MINDY1: variants seen among roughly 807,000 people sequenced by gnomAD.
MINDY1 encodes ubiquitin carboxyl-terminal hydrolase MINDY-1.
MINDY1 carries 50 observed loss-of-function variants against 53.6 expected under a neutral mutation model. That is an observed-to-expected ratio of 0.93 (90% CI 0.74 to 1.18). The LOEUF is 1.18. Ranked by LOEUF, MINDY1 falls within the 50% of genes most tolerant of loss-of-function variation. MINDY1 has a pLI of 0.00. For missense variants in MINDY1, 484 were observed against 578.6 expected, an observed-to-expected ratio of 0.84 and a Z score of 1.68; for synonymous variants, 231 against 234.7, an observed-to-expected ratio of 0.98 and a Z score of 0.14.
intron 1 of MINDY1, among the ~76,000 whole-genome samples, chr1:151,005,760 G>A (rs1156891504): frequency 6.6e-6 from 1 of 152,200 alleles, no homozygotes; most frequent in East Asian, 1.9e-4. Context: ...GAATGAGGGA[G>A]AGGATAGTCA....
Position 150,997,234 on chromosome 1 carries a change from A to ACTAG in MINDY1, c.*49_*52dup. 3.9e-6 allele frequency: 6 copies of ACTAG among 1,539,234 alleles called. No homozygotes were observed. In the South Asian group the frequency reaches 7.1e-5, roughly 18 times the overall value. Reference sequence around the variant, plus strand: ...GGGGTGGAGGCGGGGGAGCAAGCCAACTAGCCATAGCCTCTGGAAGAAGGG... The same window carrying ACTAG: ...GGGGTGGAGGCGGGGGAGCAAGCCAACTAGCTAGCCATAGCCTCTGGAAGAAGGG... On this transcript the variant is annotated 3_prime_UTR_variant, in exon 10 of 10. Transcript: ENST00000683666.
chr1:151,008,290 TC>T, upstream of MINDY1: 3 of 1,253,828 alleles, frequency 2.4e-6, no homozygotes, highest in Non-Finnish European at 2.0e-6. Flanking sequence ...AAACAATCCT[TC>T]CCTCGGTTGC....
chr1:150,997,487 CA>C lies in MINDY1; in HGVS notation c.1330-121del, dbSNP rs773244809. The C allele has an allele frequency of 5.2e-6, 8 of 1,550,302 alleles. No homozygotes were observed. The African/African-American group carries it at 9.5e-5, about 18-fold the overall frequency. ...GGGAGAGGAAGACAGGAAGGGGCTC[CA>C]GGGGAGAGGGACAGGCAGGGGAAGG... On this transcript the variant is annotated intron_variant, in intron 9 of 9. Coordinates refer to ENST00000683666, the MANE Select transcript of MINDY1 (RefSeq NM_001376665.1).
chr1:151,008,328 A>G (rs1048287289), upstream of MINDY1: 56 of 1,315,146 alleles, frequency 4.3e-5, no homozygotes, highest in East Asian at 2.0e-4. Flanking sequence ...TTGCGGGACT[A>G]CGTTTCCCAC....
At chr1:151,005,497 C>T (rs2102869401) in intron 1 of MINDY1, among the ~76,000 whole-genome samples, 1 of 151,382 alleles carries the variant, frequency 6.6e-6, no homozygotes, top group Admixed American at 6.6e-5. Context: ...GAAAAGCAGG[C>T]CTTATTTTTT....
In MINDY1 at chr1:151,002,893, GACC is replaced by G; in HGVS notation, c.-89-190_-89-188del. 1.4e-6 allele frequency: 2 copies of G among 1,395,072 alleles called. No individual in the cohort carries two copies. The highest frequency in any genetic ancestry group is 1.9e-6 in the Non-Finnish European group (2 of 1,077,156). 86.4% of individuals were successfully genotyped at this position (1,395,072 alleles called of 1,614,324 possible). The stretch of plus-strand genomic sequence containing the variant: ...CCTCTAACTTGCTGTGACCAGATGA[GACC>G]AAGAGGTCGTGGGGCTTCCAGACTT... On this transcript the variant is annotated intron_variant, in intron 1 of 9. Transcript: ENST00000683666. This position sits in a 1 kb window ranked among gnomAD's most constrained non-coding sequence, Gnocchi z 4.1.
In MINDY1 at chr1:151,002,293, G is replaced by A; in HGVS notation, c.325C>T (p.Pro109Ser). Residue 109 changes from proline to serine, a missense_variant, in exon 2 of 10, where the codon CCT becomes TCT. Pro to Ser is a moderately conservative substitution (Grantham distance 74). Coordinates refer to ENST00000683666, the MANE Select transcript of MINDY1 (RefSeq NM_001376665.1). The surrounding 1 kb of genome is among the most constrained non-coding windows in gnomAD (Gnocchi z 4.1). Reference protein sequence around the residue: ...ELPQSPRTRQPEPDFYCVKWI... With the variant: ...ELPQSPRTRQSEPDFYCVKWI... ...TTGACACAGTAGAAATCTGGCTCAG[G>A]CTGTCGGGTCCTGGGGGACTGAGGA... 1 of 1,614,176 alleles carries A rather than the reference G, an allele frequency of 6.2e-7. No individual in the cohort carries two copies. Among genetic ancestry groups the A allele is most frequent in the South Asian group, 1.1e-5 (1 of 91,086 alleles).
chr1:151,002,494 C>A lies in MINDY1; in HGVS notation c.124G>T (p.Asp42Tyr). The A allele has an allele frequency of 6.2e-7, 1 of 1,614,216 alleles. No individual in the cohort carries two copies. ...CGTTCTCTAGCCTCCCCATCAGCAT[C>A]TCTTGCATCTGTGTCCTGAGGGTGC... ...DEHPQDTDAR[D>Y]ADGEAREREP... Residue 42 changes from aspartate to tyrosine, a missense_variant, in exon 2 of 10, where the codon GAT becomes TAT. Transcript: ENST00000683666. The surrounding 1 kb of genome is among the most constrained non-coding windows in gnomAD (Gnocchi z 4.1).
At chr1:151,004,203 A>T (rs183179482) in intron 1 of MINDY1, among the ~76,000 whole-genome samples, 3 of 151,382 alleles carry the variant, frequency 2.0e-5, no homozygotes, top group Admixed American at 2.0e-4. Flanking sequence ...GATTACAGGC[A>T]TGAGCCACCG....
At chr1:151,008,337 A>T (rs772268172), upstream of MINDY1, 4 of 1,309,256 alleles carry the variant, frequency 3.1e-6, no homozygotes, top group Non-Finnish European at 2.0e-6. Flanking sequence ...TACGTTTCCC[A>T]CGTCGCCCCA....
At chr1:150,998,497 G>T (rs186948133) in intron 7 of MINDY1, among the ~76,000 whole-genome samples, 68 of 152,276 alleles carry the variant, frequency 4.5e-4, no homozygotes, top group African/African-American at 1.5e-3. Flanking sequence ...TGGGACTACA[G>T]GCACCCGCCA....
chr1:151,002,484 C>G lies in MINDY1; in HGVS notation c.134G>C (p.Gly45Ala). The G allele has an allele frequency of 6.2e-7, 1 of 1,614,208 alleles. No individual in the cohort carries two copies. The highest frequency in any genetic ancestry group is 1.1e-5 in the South Asian group (1 of 91,092). Residue 45 changes from glycine to alanine, a missense_variant, in exon 2 of 10, where the codon GGG becomes GCG. Transcript: ENST00000683666. This position sits in a 1 kb window ranked among gnomAD's most constrained non-coding sequence, Gnocchi z 4.1. Reference protein sequence around the residue: ...PQDTDARDADGEAREREPADQ... With the variant: ...PQDTDARDADAEAREREPADQ... Reference sequence around the variant, plus strand: ...TGCTGGCTCCCGTTCTCTAGCCTCCCCATCAGCATCTCTTGCATCTGTGTC... The same window carrying G: ...TGCTGGCTCCCGTTCTCTAGCCTCCGCATCAGCATCTCTTGCATCTGTGTC...
Position 151,002,935 on chromosome 1 carries a change from G to A in MINDY1, c.-89-229C>T. 1 of 1,345,722 alleles carries A rather than the reference G, an allele frequency of 7.4e-7. No individual in the cohort carries two copies. Among genetic ancestry groups the A allele is most frequent in the East Asian group, 3.0e-5 (1 of 33,748 alleles). 83.4% of individuals were successfully genotyped at this position (1,345,722 alleles called of 1,614,324 possible). A position where few individuals can be genotyped will look rare whatever the true frequency, so the allele number is the denominator to read the frequency against. Reference sequence around the variant, plus strand: ...GCTTCCAGACTTGGGAGGGAAGACTGGTGGGATTGAACACATGGGTGGAGT... The same window carrying A: ...GCTTCCAGACTTGGGAGGGAAGACTAGTGGGATTGAACACATGGGTGGAGT... On this transcript the variant is annotated intron_variant, in intron 1 of 9. Transcript: ENST00000683666. The surrounding 1 kb of genome is among the most constrained non-coding windows in gnomAD (Gnocchi z 4.1).
At chr1:151,000,929 C>T (rs895532018) in intron 4 of MINDY1, among the ~76,000 whole-genome samples, 2 of 152,136 alleles carry the variant, frequency 1.3e-5, no homozygotes, top group African/African-American at 4.8e-5. Flanking sequence ...CAGGCACGCA[C>T]CGCCATACCT....
rs1186797977 is a variant in MINDY1, at chr1:150,998,220, G to T, written c.1035C>A (p.Val345=). The part of the protein sequence containing the change: ...TDQGFLQEEQ[V]VWESLHNVDG... ...CCACATTGTGCAGGCTCTCCCATAC[G>T]ACTTGCTCCTCCTGTAGAAAGCCCT... The change falls in exon 8 of 10, where the codon GTC becomes GTA. Residue 345 remains valine, a synonymous_variant. Transcript: ENST00000683666. 1 of 1,614,026 alleles carries T rather than the reference G, an allele frequency of 6.2e-7. No homozygotes were observed. Among genetic ancestry groups the T allele is most frequent in the African/African-American group, 1.3e-5 (1 of 74,904 alleles).
At position 151,002,765 on chromosome 1, in the gene MINDY1, GA is replaced by G; in HGVS notation, c.-89-60del. 6.7e-7 allele frequency: 1 copy of G among 1,499,176 alleles called. No individual in the cohort carries two copies. The highest frequency in any genetic ancestry group is 8.9e-7 in the Non-Finnish European group (1 of 1,122,146). 92.9% of individuals were successfully genotyped at this position (1,499,176 alleles called of 1,614,324 possible). On this transcript the variant is annotated intron_variant, in intron 1 of 9. Transcript: ENST00000683666. The surrounding 1 kb of genome is among the most constrained non-coding windows in gnomAD (Gnocchi z 4.1). ...AGCAAACTAACCCAGAAAAGTCTTG[GA>G]AAAGGAATGTAGTGTAGAAGGCTGG... is the stretch of plus-strand genomic sequence containing the variant.
In MINDY1 at chr1:150,999,581, G is replaced by A; in HGVS notation, c.839-70C>T. ...GGTCCACAACAGGAAGGACCATCCA[G>A]AGAGCCCCTGTCAAAAGCCCCGGGG... On this transcript the variant is annotated intron_variant, in intron 6 of 9. Coordinates refer to ENST00000683666, the MANE Select transcript of MINDY1 (RefSeq NM_001376665.1). The surrounding 1 kb of genome is among the most constrained non-coding windows in gnomAD (Gnocchi z 4.4). The A allele has an allele frequency of 6.3e-7, 1 of 1,587,540 alleles. No homozygotes were observed. Among genetic ancestry groups the A allele is most frequent in the Non-Finnish European group, 8.6e-7 (1 of 1,167,814 alleles).
chr1:151,002,312 C>T lies in MINDY1; in HGVS notation c.306G>A (p.Gln102=), dbSNP rs1283001474. The change falls in exon 2 of 10, where the codon CAG becomes CAA. Residue 102 remains glutamine, a synonymous_variant. Transcript: ENST00000683666. This position sits in a 1 kb window ranked among gnomAD's most constrained non-coding sequence, Gnocchi z 4.1. ...GCTCAGGCTGTCGGGTCCTGGGGGA[C>T]TGAGGAAGCTCCTGGGGCATGGAGC... ...RACSMPQELP[Q]SPRTRQPEPD... 6.2e-7 allele frequency: 1 copy of T among 1,614,192 alleles called. No homozygotes were observed. Among genetic ancestry groups the T allele is most frequent in the Admixed American group, 1.7e-5 (1 of 60,016 alleles).
upstream of MINDY1, among the ~76,000 whole-genome samples, chr1:151,007,245 C>T (rs958681671): frequency 6.6e-5 from 10 of 152,188 alleles, no homozygotes; most frequent in African/African-American, 2.4e-4. Context: ...ATGGCTGACG[C>T]CTGTAATCCC....
Sources: allele counts gnomAD v4.1 joint callset (sites outside exome capture counted in the v4.1 genomes callset), GRCh38; gene constraint gnomAD v4.1.1; non-coding constraint Gnocchi (gnomAD v3.1); transcripts MANE v1.5; gene names NCBI Gene and HGNC (gene_info 2026-07-23, HGNC 2026-07-21).